The following CDKL4 variants were observed in gnomAD, a reference collection of about 807,000 sequenced individuals.
The protein encoded by CDKL4 is cyclin-dependent kinase-like 4.
A neutral mutation model predicts 42.0 loss-of-function variants in CDKL4; 44 were observed. That is an observed-to-expected ratio of 1.05 (90% confidence interval 0.82 to 1.35). CDKL4 has a LOEUF of 1.35. Ranked by LOEUF, CDKL4 falls within the 40% of genes most tolerant of loss-of-function variation. The pLI, the probability that CDKL4 is intolerant of heterozygous loss-of-function variation, is 0.00. For missense variants in CDKL4, 393 were observed against 369.9 expected (o/e 1.06, Z -0.51); for synonymous variants, 120 against 121.6 (o/e 0.99, Z 0.09).
chr2:39,240,595 T>C (rs376371957), intron 1 of CDKL4, among the ~76,000 whole-genome samples: 1 of 148,302 alleles, frequency 6.7e-6, no homozygotes, highest in Non-Finnish European at 1.5e-5. Context: ...GATGAATGTG[T>C]AAACAAAATG....
chr2:39,181,216 C>A (rs1215686865), intron 8 of CDKL4, among the ~76,000 whole-genome samples: 3 of 152,168 alleles, frequency 2.0e-5, no homozygotes, highest in Non-Finnish European at 4.4e-5. Context: ...CTTCTCTAAT[C>A]TCTCACTTTC....
intron 4 of CDKL4, among the ~76,000 whole-genome samples, chr2:39,211,794 A>C (rs1020915826): frequency 6.6e-6 from 1 of 152,032 alleles, no homozygotes. Context: ...GGACCAAACG[A>C]ATACCTCCTG....
At chr2:39,225,716 T>C (rs560269354) in intron 3 of CDKL4, 123 bp downstream of exon 3, 5 of 892,756 alleles carry the variant, frequency 5.6e-6, no homozygotes, top group East Asian at 2.8e-5. Flanking sequence ...CTGGATGGGG[T>C]AGCCAGATGC....
At chr2:39,235,116 G>A (rs1244939477) in intron 1 of CDKL4, among the ~76,000 whole-genome samples, 1 of 151,976 alleles carries the variant, frequency 6.6e-6, no homozygotes, top group Non-Finnish European at 1.5e-5. Context: ...GGGCTAAATC[G>A]ATTTTCCCAC....
chr2:39,231,804 C>T (rs1679104932), intron 1 of CDKL4, among the ~76,000 whole-genome samples: 1 of 152,214 alleles, frequency 6.6e-6, no homozygotes, highest in Non-Finnish European at 1.5e-5. Context: ...GTAATCCCAA[C>T]ACTTTTGGAG....
At chr2:39,228,747 GA>G (rs1678912068) in intron 2 of CDKL4, among the ~76,000 whole-genome samples, 1 of 152,198 alleles carries the variant, frequency 6.6e-6, no homozygotes, top group African/African-American at 2.4e-5. Flanking sequence ...ATGGTTGTTA[GA>G]TAAGAAGCAT....
chr2:39,205,052 C>A (rs1677079176), intron 4 of CDKL4, among the ~76,000 whole-genome samples: 1 of 152,092 alleles, frequency 6.6e-6, no homozygotes, highest in Non-Finnish European at 1.5e-5. Flanking sequence ...AAGTGGCATG[C>A]ACTTATGGTC....
intron 5 of CDKL4, among the ~76,000 whole-genome samples, chr2:39,193,857 T>C (rs998499743): frequency 6.6e-6 from 1 of 152,216 alleles, no homozygotes; most frequent in Non-Finnish European, 1.5e-5. Context: ...AGCCCCATGT[T>C]GTGAGCTGTA....
At chr2:39,214,198 C>A (rs1677772819) in intron 3 of CDKL4, among the ~76,000 whole-genome samples, 1 of 152,178 alleles carries the variant, frequency 6.6e-6, no homozygotes, top group Admixed American at 6.5e-5. Flanking sequence ...GCTTGGATTA[C>A]AGGTGTGAGA....
At chr2:39,221,001 G>GTTTTTTTTTTTTTTTTTTTTT (rs1678311355) in intron 3 of CDKL4, among the ~76,000 whole-genome samples, 1 of 78,804 alleles carries the variant, frequency 1.3e-5, no homozygotes, top group African/African-American at 4.7e-5. Context: ...TTTTTTTTTT[G>GTTTTTTTTTTTTTTTTTTTTT]TTTTTTTTTT....
chr2:39,192,703 G>A (rs1310752292), intron 5 of CDKL4, among the ~76,000 whole-genome samples: 1 of 151,846 alleles, frequency 6.6e-6, no homozygotes, highest in African/African-American at 2.4e-5. Flanking sequence ...TTTAATGGCT[G>A]CATAACAGCT....
upstream of CDKL4, among the ~76,000 whole-genome samples, chr2:39,245,467 G>T (rs1425694713): frequency 2.0e-5 from 3 of 152,206 alleles, no homozygotes; most frequent in Non-Finnish European, 4.4e-5. Flanking sequence ...GCGAGGGTCC[G>T]CGGCTTCATT....
At chr2:39,241,204 G>A (rs1679642771) in intron 1 of CDKL4, among the ~76,000 whole-genome samples, 1 of 152,164 alleles carries the variant, frequency 6.6e-6, no homozygotes, top group Non-Finnish European at 1.5e-5. Context: ...ATTTACGGGT[G>A]AAGGGATCTG....
At chr2:39,207,747 G>T (rs1463911461) in intron 4 of CDKL4, among the ~76,000 whole-genome samples, 3 of 152,196 alleles carry the variant, frequency 2.0e-5, no homozygotes, top group Non-Finnish European at 4.4e-5. Flanking sequence ...ATAGGAGCAG[G>T]TAACAGAAGT....
chr2:39,215,464 T>C (rs1340924725), intron 3 of CDKL4, among the ~76,000 whole-genome samples: 2 of 152,228 alleles, frequency 1.3e-5, no homozygotes, highest in Non-Finnish European at 2.9e-5. Flanking sequence ...TGTTTGTATA[T>C]TTTTCAAAAA....
chr2:39,238,113 T>C (rs545044394), intron 1 of CDKL4, among the ~76,000 whole-genome samples: 1 of 152,288 alleles, frequency 6.6e-6, no homozygotes, highest in Non-Finnish European at 1.5e-5. Context: ...CAGCAAGATA[T>C]CAGCTTTTCA....
At chr2:39,200,179 C>A (rs572762968) in intron 5 of CDKL4, among the ~76,000 whole-genome samples, 172 of 152,004 alleles carry the variant, frequency 1.1e-3, no homozygotes, top group Admixed American at 2.0e-3. Flanking sequence ...ATCAGTAGCC[C>A]CGCTATATAC....
chr2:39,228,349 A>G (rs1678887366), intron 2 of CDKL4, among the ~76,000 whole-genome samples: 1 of 152,180 alleles, frequency 6.6e-6, no homozygotes, highest in East Asian at 1.9e-4. Context: ...GACTGTATCA[A>G]GTTATATTTC....
intron 1 of CDKL4, among the ~76,000 whole-genome samples, chr2:39,242,279 C>G (rs1193374072): frequency 2.6e-5 from 4 of 152,168 alleles, no homozygotes; most frequent in Non-Finnish European, 5.9e-5. Context: ...TTCCTGGGAT[C>G]AAGTGATTCT....
Sources: gnomAD v4.1 joint callset for allele counts (sites outside exome capture counted in the v4.1 genomes callset) on GRCh38, gnomAD v4.1.1 for gene constraint, MANE v1.5 for transcripts, NCBI Gene and HGNC (gene_info 2026-07-23, HGNC 2026-07-21) for gene names.